The following COL27A1 variants were observed in gnomAD, a reference collection of about 807,000 sequenced individuals.
COL27A1 encodes collagen alpha-1(XXVII) chain.
In COL27A1, 106 loss-of-function variants were observed where a neutral mutation model predicts 251.3. The observed-to-expected ratio is 0.42, with a 90% confidence interval of 0.36 to 0.50. The LOEUF (loss-of-function observed/expected upper bound fraction) is 0.50. COL27A1 is among the 20% of genes least tolerant of loss of function. COL27A1 has a pLI of 0.00. For synonymous variants in COL27A1, 1,000 were observed against 986.3 expected, an observed-to-expected ratio of 1.01 and a Z score of -0.26; for missense variants, 2,325 against 2,522.8, an observed-to-expected ratio of 0.92 and a Z score of 1.68.
At chr9:114,207,785 G>A (rs551378409) in intron 10 of COL27A1, among the ~76,000 whole-genome samples, 1 of 152,344 alleles carries the variant, frequency 6.6e-6, no homozygotes, top group Admixed American at 6.5e-5. Context: ...GGGAGCTTGG[G>A]CAAGTCACTG....
At chr9:114,214,936 G>A (rs1402443123) in intron 12 of COL27A1, among the ~76,000 whole-genome samples, 1 of 152,264 alleles carries the variant, frequency 6.6e-6, no homozygotes, top group African/African-American at 2.4e-5. Flanking sequence ...CCAGCCAAGG[G>A]TCTCTACGAG....
At chr9:114,282,620 G>A (rs1383759599) in intron 39 of COL27A1, 56 bp downstream of exon 39, 1 of 1,165,652 alleles carries the variant, frequency 8.6e-7, no homozygotes, top group African/African-American at 1.6e-5. Flanking sequence ...GGGAACCAAG[G>A]GCAGGAAAGG....
chr9:114,181,657 G>C (rs955537324), intron 4 of COL27A1, among the ~76,000 whole-genome samples: 2 of 152,162 alleles, frequency 1.3e-5, no homozygotes, highest in African/African-American at 4.8e-5. Flanking sequence ...GGCTCTTAGG[G>C]CTCTATTTAT....
chr9:114,307,739 T>C lies in COL27A1; in HGVS notation c.5178T>C (p.His1726=), dbSNP rs1321917854. ...DTIEVSCNFT[H]GGQTCLKPIT... is the part of the protein sequence containing the mutation. Reference sequence around the variant, plus strand: ...TCGAGGTCTCCTGCAACTTCACTCATGGTGGACAGACGTGTCTCAAGCCCA... The same window carrying C: ...TCGAGGTCTCCTGCAACTTCACTCACGGTGGACAGACGTGTCTCAAGCCCA... Residue 1726 remains histidine (H), a synonymous_variant, in exon 59 of 61, where the codon CAT becomes CAC. Transcript: ENST00000356083. The C allele has an allele frequency of 6.2e-7, 1 of 1,614,044 alleles. No homozygotes were observed. Among genetic ancestry groups the C allele is most frequent in the Admixed American group, 1.7e-5 (1 of 60,008 alleles).
chr9:114,204,402 C>G (rs922022841), intron 7 of COL27A1, among the ~76,000 whole-genome samples: 1 of 152,164 alleles, frequency 6.6e-6, no homozygotes, highest in South Asian at 2.1e-4. Flanking sequence ...CCTGGTGCCA[C>G]CTGAAAGCAC....
chr9:114,265,291 T>C (rs1389168036), intron 31 of COL27A1, 131 bp from the exon 32 acceptor site: 1 of 1,123,036 alleles, frequency 8.9e-7, no homozygotes, highest in South Asian at 1.4e-5. Flanking sequence ...CTTCTCTGGG[T>C]CTCAGCCTTC....
chr9:114,203,676 AC>A (rs1403581366), intron 7 of COL27A1, among the ~76,000 whole-genome samples: 1 of 152,002 alleles, frequency 6.6e-6, no homozygotes. Context: ...AACTCTCCAG[AC>A]CTCTTAGATC....
chr9:114,236,795 C>T (rs1422647779), intron 17 of COL27A1, among the ~76,000 whole-genome samples, 186 bp from the exon 18 acceptor site: 1 of 152,134 alleles, frequency 6.6e-6, no homozygotes, highest in African/African-American at 2.4e-5. Flanking sequence ...TCCTGGGGCC[C>T]AGCCTATAGG....
At chr9:114,244,796 T>C (rs898284363) in intron 23 of COL27A1, among the ~76,000 whole-genome samples, 2 of 152,024 alleles carry the variant, frequency 1.3e-5, no homozygotes, top group African/African-American at 4.8e-5. Context: ...CAGATACCAG[T>C]TGGGTTTCTG....
intron 7 of COL27A1, among the ~76,000 whole-genome samples, chr9:114,201,808 C>T (rs571748629): frequency 9.2e-5 from 14 of 152,254 alleles, no homozygotes; most frequent in African/African-American, 2.2e-4. Flanking sequence ...CCCAGGGAGG[C>T]GCATCTATAA....
intron 3 of COL27A1, among the ~76,000 whole-genome samples, chr9:114,172,691 G>T (rs117645957): frequency 0.014 from 2,131 of 152,260 alleles, 28 homozygotes; most frequent in Non-Finnish European, 0.021. Context: ...TTACTTGGGA[G>T]GCCGAGGTAG....
chr9:114,166,496 G>C (rs1363513056), intron 2 of COL27A1, among the ~76,000 whole-genome samples: 1 of 130,392 alleles, frequency 7.7e-6, no homozygotes, highest in African/African-American at 2.8e-5. Context: ...CCAGTTGTCA[G>C]CTGAGGGCCA....
intron 7 of COL27A1, among the ~76,000 whole-genome samples, chr9:114,198,353 AGGGCTAT>A (rs745403780): frequency 2.6e-5 from 4 of 152,208 alleles, no homozygotes; most frequent in Admixed American, 6.5e-5. Context: ...TAAGACAGAA[AGGGCTAT>A]GGAGAAAAAT....
At chr9:114,204,512 C>T (rs1431091031) in intron 7 of COL27A1, among the ~76,000 whole-genome samples, 1 of 152,180 alleles carries the variant, frequency 6.6e-6, no homozygotes, top group Non-Finnish European at 1.5e-5. Flanking sequence ...TTGCCAGAGT[C>T]CTTCTCATCA....
chr9:114,280,674 G>A (rs949399598), intron 37 of COL27A1, among the ~76,000 whole-genome samples: 13 of 152,158 alleles, frequency 8.5e-5, no homozygotes, highest in Admixed American at 2.0e-4. Flanking sequence ...GATTTGTCCA[G>A]GGGTACATGT....
intron 5 of COL27A1, among the ~76,000 whole-genome samples, chr9:114,185,784 A>G (rs1828294310): frequency 1.3e-5 from 2 of 152,236 alleles, no homozygotes; most frequent in Admixed American, 6.5e-5. Flanking sequence ...CAGATAAATC[A>G]GTCACACTGT....
chr9:114,234,667 G>A (rs765227769), intron 16 of COL27A1, among the ~76,000 whole-genome samples: 2 of 152,162 alleles, frequency 1.3e-5, no homozygotes, highest in Admixed American at 6.5e-5. Flanking sequence ...GCAGTACATC[G>A]TGTTAGAAGA....
intron 41 of COL27A1, among the ~76,000 whole-genome samples, chr9:114,286,815 G>A (rs1827528726): frequency 6.6e-6 from 1 of 152,148 alleles, no homozygotes; most frequent in African/African-American, 2.4e-5. Flanking sequence ...CTGGCTTTGG[G>A]CCGAGATTGC....
At position 114,309,370 on chromosome 9, in the gene COL27A1, C is replaced by A; in HGVS notation, c.5328C>A (p.Gly1776=). The change falls in exon 60 of 61, where the codon GGC becomes GGA. Residue 1776 remains glycine (G), a synonymous_variant. Transcript: ENST00000356083. ...TTAACATGACCGTGTGGCAGGAGGG[C>A]ACTGGGCAGACCCCAGCCAAGCAGG... ...HCLNMTVWQE[G]TGQTPAKQAV... The A allele has an allele frequency of 6.2e-7, 1 of 1,614,052 alleles. No homozygotes were observed. The highest frequency in any genetic ancestry group is 8.5e-7 in the Non-Finnish European group (1 of 1,180,004).
Sources: allele counts gnomAD v4.1 joint callset (sites outside exome capture counted in the v4.1 genomes callset), GRCh38; gene constraint gnomAD v4.1.1; transcripts MANE v1.5; gene names NCBI Gene and HGNC (gene_info 2026-07-23, HGNC 2026-07-21).